Variants in PDE1A observed in about 807,000 individuals in gnomAD.
PDE1A encodes the protein dual specificity calcium/calmodulin-dependent 3',5'-cyclic nucleotide phosphodiesterase 1A.
PDE1A carries 35 observed loss-of-function variants against 61.7 expected under a neutral mutation model. The observed-to-expected ratio is 0.57, with a 90% confidence interval of 0.43 to 0.75. PDE1A has a LOEUF of 0.75. Ranked by LOEUF, PDE1A falls within the 30% of genes least tolerant of loss-of-function variation. The pLI is 0.00. For synonymous variants in PDE1A, 232 were observed against 213.2 expected (o/e 1.09, Z -0.77); for missense variants, 597 against 630.6 (o/e 0.95, Z 0.57).
intron 1 of PDE1A, among the ~76,000 whole-genome samples, chr2:182,312,938 A>C (rs1289860574): frequency 6.6e-6 from 1 of 151,958 alleles, no homozygotes; most frequent in African/African-American, 2.4e-5. Flanking sequence ...AACATAGTAT[A>C]TCTCTCTATT....
intron 1 of PDE1A, among the ~76,000 whole-genome samples, chr2:182,300,309 T>G (rs58425246): frequency 0.012 from 1,891 of 152,314 alleles, 35 homozygotes; most frequent in African/African-American, 0.043. Flanking sequence ...TGACACGTTT[T>G]TCATACCTAT....
rs1691397400 is a variant in PDE1A at position 182,251,467 on chromosome 2, A to G, written c.168-11175T>C. Among the ~76,000 whole-genome samples, 4 of 152,142 alleles carry G rather than the reference A, an allele frequency of 2.6e-5. No homozygotes were observed. The South Asian group carries it at 6.2e-4, about 24-fold the overall frequency. On this transcript the variant is annotated intron_variant, in intron 2 of 13. Transcript: ENST00000351439. ...AGAGTAGTTTCAAATTGTTGTCACTAGACCAGAAGAATTAGCATCACCTGG... is the reference window on the plus strand; with the variant it reads ...AGAGTAGTTTCAAATTGTTGTCACTGGACCAGAAGAATTAGCATCACCTGG...
At chr2:182,671,965 G>T in the PDE1A span, among the ~76,000 whole-genome samples, 1 of 151,882 alleles carries the variant, frequency 6.6e-6, no homozygotes, top group African/African-American at 2.4e-5. Flanking sequence ...CATACACCCC[G>T]CAATACTCCC....
the PDE1A span, among the ~76,000 whole-genome samples, chr2:182,622,067 G>T: frequency 6.6e-6 from 1 of 152,170 alleles, no homozygotes; most frequent in Non-Finnish European, 1.5e-5. Context: ...TGCCATCTTA[G>T]AGAGGAATTG....
chr2:182,431,144 C>G (rs1448766553), upstream of PDE1A, among the ~76,000 whole-genome samples: 1 of 114,598 alleles, frequency 8.7e-6, no homozygotes, highest in African/African-American at 3.3e-5. Context: ...AAAAAAAACA[C>G]AACACTGCTT....
chr2:182,481,856 G>A (rs978206386), intron 2 of PDE1A, among the ~76,000 whole-genome samples: 2 of 151,892 alleles, frequency 1.3e-5, no homozygotes, highest in African/African-American at 4.8e-5. Flanking sequence ...AATCTGATAA[G>A]AGGCATCTAC....
intron 13 of PDE1A, among the ~76,000 whole-genome samples, chr2:182,155,957 A>C (rs941648297): frequency 1.3e-5 from 2 of 152,100 alleles, no homozygotes; most frequent in African/African-American, 4.8e-5. Flanking sequence ...TCATGGTTGC[A>C]GTTTCTCCCA....
intron 7 of PDE1A, among the ~76,000 whole-genome samples, chr2:182,222,619 A>C (rs774982700): frequency 6.6e-6 from 1 of 152,048 alleles, no homozygotes; most frequent in African/African-American, 2.4e-5. Context: ...AGATGTTAAT[A>C]ACAACGAAAC....
At chr2:182,368,432 A>G (rs1236980447) in intron 1 of PDE1A, among the ~76,000 whole-genome samples, 2 of 140,104 alleles carry the variant, frequency 1.4e-5, no homozygotes, top group East Asian at 4.2e-4. Flanking sequence ...TTTTTTATTC[A>G]TTCCATTTAT....
chr2:182,247,983 G>GT (rs1691106133), intron 2 of PDE1A, among the ~76,000 whole-genome samples: 2 of 152,046 alleles, frequency 1.3e-5, no homozygotes, highest in Admixed American at 6.5e-5. Context: ...TGAAGACTTT[G>GT]TTTTTAAGAA....
At chr2:182,263,106 T>C (rs748965340) in intron 2 of PDE1A, among the ~76,000 whole-genome samples, 18 of 152,178 alleles carry the variant, frequency 1.2e-4, no homozygotes, top group Non-Finnish European at 2.5e-4. Flanking sequence ...GGGACAGGCA[T>C]GGACTCCTGC....
the PDE1A span, among the ~76,000 whole-genome samples, chr2:182,713,352 G>A: frequency 6.6e-6 from 1 of 152,124 alleles, no homozygotes; most frequent in African/African-American, 2.4e-5. Context: ...CCAGAGAACA[G>A]TAGACTACTT....
chr2:182,688,089 G>C, the PDE1A span, among the ~76,000 whole-genome samples: 2 of 152,202 alleles, frequency 1.3e-5, no homozygotes, highest in Non-Finnish European at 2.9e-5. Context: ...ATGGAACCAA[G>C]TTGGAAAACA....
At chr2:182,443,413 T>C (rs1362633821) in intron 2 of PDE1A, among the ~76,000 whole-genome samples, 1 of 152,126 alleles carries the variant, frequency 6.6e-6, no homozygotes, top group African/African-American at 2.4e-5. Flanking sequence ...GGTTGAATTG[T>C]AATTCTCATT....
chr2:182,253,099 T>G (rs544511177), intron 2 of PDE1A, among the ~76,000 whole-genome samples: 50 of 152,328 alleles, frequency 3.3e-4, no homozygotes, highest in Admixed American at 1.1e-3. Flanking sequence ...GAAACTAGAT[T>G]ATGAATTATT....
chr2:182,258,467 G>C (rs1691990492), intron 2 of PDE1A, among the ~76,000 whole-genome samples: 1 of 152,204 alleles, frequency 6.6e-6, no homozygotes. Context: ...AGAACTTTAG[G>C]ATGGAGAACA....
At chr2:182,677,694 T>C in the PDE1A span, among the ~76,000 whole-genome samples, 1 of 152,150 alleles carries the variant, frequency 6.6e-6, no homozygotes, top group South Asian at 2.1e-4. Context: ...TGGAACAGAA[T>C]AGAGAGCCCA....
chr2:182,697,182 T>C, the PDE1A span, among the ~76,000 whole-genome samples: 9 of 152,160 alleles, frequency 5.9e-5, no homozygotes, highest in East Asian at 9.7e-4. Context: ...AAAATACAAA[T>C]GTACTTGGGG....
chr2:182,285,724 T>C (rs979597521), intron 1 of PDE1A, among the ~76,000 whole-genome samples: 2 of 152,044 alleles, frequency 1.3e-5, no homozygotes, highest in African/African-American at 4.8e-5. Context: ...AGTAAGAACA[T>C]ACATATTCCA....
Sources: gnomAD v4.1 joint callset for allele counts (sites outside exome capture counted in the v4.1 genomes callset) on GRCh38, gnomAD v4.1.1 for gene constraint, MANE v1.5 for transcripts, NCBI Gene and HGNC (gene_info 2026-07-23, HGNC 2026-07-21) for gene names.